Variants in PTPRQ observed in about 807,000 individuals in gnomAD.
PTPRQ encodes protein tyrosine phosphatase receptor type Q, also known as phosphatidylinositol phosphatase PTPRQ.
A neutral mutation model predicts 246.0 loss-of-function variants in PTPRQ; 199 were observed. The ratio of observed to expected loss-of-function variants is 0.81; its 90% CI spans 0.72 to 0.91. The LOEUF (loss-of-function observed/expected upper bound fraction) is 0.91. PTPRQ is among the 40% of genes least tolerant of loss of function. PTPRQ has a pLI of 0.00. For missense variants in PTPRQ, 2,624 were observed against 2,528.4 expected (o/e 1.04, Z -0.81); for synonymous variants, 869 against 853.2 (o/e 1.02, Z -0.32).
chr12:80,448,311 T>C (rs975138826), intron 3 of PTPRQ, among the ~76,000 whole-genome samples: 1 of 152,162 alleles, frequency 6.6e-6, no homozygotes, highest in Admixed American at 6.6e-5. Flanking sequence ...TAGAGTTTTC[T>C]AGATATACAA....
At chr12:80,495,903 C>T in intron 12 of PTPRQ, 96 bp from the exon 13 acceptor site, 1 of 1,361,950 alleles carries the variant, frequency 7.3e-7, no homozygotes, top group Middle Eastern at 2.4e-4. Context: ...ATCTAGTCCC[C>T]CGTATAAATT....
chr12:80,581,304 G>A (rs1897427473), intron 25 of PTPRQ, among the ~76,000 whole-genome samples: 2 of 152,184 alleles, frequency 1.3e-5, no homozygotes, highest in African/African-American at 2.4e-5. Context: ...TGAGGAAAGA[G>A]TAGAGTGTAA....
At chr12:80,610,039 A>T (rs1898490166) in intron 27 of PTPRQ, among the ~76,000 whole-genome samples, 1 of 150,470 alleles carries the variant, frequency 6.6e-6, no homozygotes, top group Admixed American at 6.7e-5. Flanking sequence ...TAGACTGTGT[A>T]GGTGGTTTCT....
intron 6 of PTPRQ, among the ~76,000 whole-genome samples, chr12:80,461,688 G>A (rs559732580): frequency 6.6e-4 from 99 of 150,080 alleles, no homozygotes; most frequent in Non-Finnish European, 1.3e-3. Flanking sequence ...TAATTTCTGA[G>A]GTATTGAAAA....
intron 7 of PTPRQ, among the ~76,000 whole-genome samples, chr12:80,470,928 G>C (rs1893604864): frequency 6.6e-6 from 1 of 152,058 alleles, no homozygotes; most frequent in African/African-American, 2.4e-5. Flanking sequence ...TGATCTTGAG[G>C]GAGTGGCTGA....
chr12:80,644,803 C>T (rs191006598), intron 35 of PTPRQ, among the ~76,000 whole-genome samples: 1 of 151,842 alleles, frequency 6.6e-6, no homozygotes, highest in Non-Finnish European at 1.5e-5. Context: ...TAGAATGTAG[C>T]CAACACCTAA....
rs1250998912 is a variant in PTPRQ, at chr12:80,445,718, G to A, written c.390+1G>A. ...TCCTGGAACAACATATGAAATTAAG[G>A]TAATTATTTTGTGTATGACTACTTA... On this transcript the variant is annotated splice_donor_variant, in intron 3 of 44. Transcript: ENST00000644991. LOFTEE classifies it high-confidence loss of function. The A allele has an allele frequency of 6.6e-7, 1 of 1,521,730 alleles. No homozygotes were observed. The highest frequency in any genetic ancestry group is 1.4e-5 in the African/African-American group (1 of 72,418). The allele number at this position is 1,521,730 out of a possible 1,614,324, so 94.3% of individuals were successfully genotyped here. A position where few individuals can be genotyped will look rare whatever the true frequency, so the allele number is the denominator to read the frequency against.
At chr12:80,495,491 T>G (rs1236266204) in intron 12 of PTPRQ, 120 bp downstream of exon 12, 6 of 1,268,482 alleles carry the variant, frequency 4.7e-6, no homozygotes, top group Non-Finnish European at 6.2e-6. Context: ...TCACTTCATA[T>G]TTTGTTGTTT....
chr12:80,665,059 A>G (rs1900742831), intron 39 of PTPRQ, among the ~76,000 whole-genome samples: 1 of 151,964 alleles, frequency 6.6e-6, no homozygotes, highest in African/African-American at 2.4e-5. Flanking sequence ...GCCATCTGCA[A>G]GCTGAGGAGC....
Position 80,619,383 on chromosome 12 carries a change from G to C in PTPRQ, c.5231-1G>C. ...CAGTGATATTTCTTCTTTGTTTATA[G>C]CTCCAGCACGACCAAAAACCAAACC... is the stretch of plus-strand genomic sequence containing the variant. On this transcript the variant is annotated splice_acceptor_variant, in intron 30 of 44. Coordinates refer to ENST00000644991, the MANE Select transcript of PTPRQ (RefSeq NM_001145026.2). LOFTEE classifies it high-confidence loss of function. 3 of 1,545,960 alleles carry C rather than the reference G, an allele frequency of 1.9e-6. No individual in the cohort carries two copies. The highest frequency in any genetic ancestry group is 2.6e-6 in the Non-Finnish European group (3 of 1,143,662).
intron 35 of PTPRQ, among the ~76,000 whole-genome samples, chr12:80,648,027 C>T (rs758820598): frequency 6.6e-6 from 1 of 152,022 alleles, no homozygotes; most frequent in Non-Finnish European, 1.5e-5. Context: ...ATTGAATACA[C>T]CTCTTTTTGA....
At chr12:80,545,789 A>G (rs1896286999) in intron 23 of PTPRQ, among the ~76,000 whole-genome samples, 1 of 148,666 alleles carries the variant, frequency 6.7e-6, no homozygotes, top group Admixed American at 6.7e-5. Context: ...TAATAATGTT[A>G]TTATTATTTA....
intron 35 of PTPRQ, among the ~76,000 whole-genome samples, chr12:80,645,120 A>G (rs1900025651): frequency 6.6e-6 from 1 of 152,126 alleles, no homozygotes; most frequent in Non-Finnish European, 1.5e-5. Context: ...AAAAAGAGTG[A>G]TACAAAAGAA....
chr12:80,613,657 T>C lies in PTPRQ; in HGVS notation c.4984T>C (p.Leu1662=). The change falls in exon 29 of 45, where the codon TTA becomes CTA. Residue 1662 remains leucine (L), a synonymous_variant. Transcript: ENST00000644991. ...KIPDEVTKFQ[L]TFLPPSQPNG... Reference sequence around the variant, plus strand: ...ACCAGATGAAGTTACAAAATTTCAATTAACGTTCCTTCCTCCTTCTCAACC... The same window carrying C: ...ACCAGATGAAGTTACAAAATTTCAACTAACGTTCCTTCCTCCTTCTCAACC... 1.3e-6 allele frequency: 2 copies of C among 1,545,810 alleles called. No individual in the cohort carries two copies. The highest frequency in any genetic ancestry group is 1.7e-6 in the Non-Finnish European group (2 of 1,143,052).
chr12:80,561,175 A>G (rs1040178035), intron 25 of PTPRQ: 1 of 152,220 alleles, frequency 6.6e-6, no homozygotes, highest in African/African-American at 2.4e-5. Flanking sequence ...TAGTATCCCA[A>G]CTTGTCAGAG....
At chr12:80,488,725 C>T (rs889014609) in intron 9 of PTPRQ, among the ~76,000 whole-genome samples, 1 of 151,934 alleles carries the variant, frequency 6.6e-6, no homozygotes, top group African/African-American at 2.4e-5. Flanking sequence ...AAATATAACC[C>T]TCCTATGCTA....
chr12:80,539,701 T>G (rs1896092656), intron 19 of PTPRQ, 75 bp from the exon 20 acceptor site: 1 of 1,211,072 alleles, frequency 8.3e-7, no homozygotes, highest in South Asian at 1.9e-5. Flanking sequence ...ATCGATCCAT[T>G]GATAACAATT....
In PTPRQ at chr12:80,679,892, C is replaced by A. The variant is rs565615310; in HGVS notation, c.*869C>A. 1 of 151,834 alleles carries A rather than the reference C, an allele frequency of 6.6e-6. No individual in the cohort carries two copies. Among genetic ancestry groups the A allele is most frequent in the African/African-American group, 2.4e-5 (1 of 41,360 alleles). The allele number at this position is 151,834 out of a possible 1,614,324, so 9.4% of individuals were successfully genotyped here. Reference sequence around the variant, plus strand: ...TCAAAAGAGTAATAAAAACACTGTGCGTGTTTCAAGCTTGTAAACCAATGA... The same window carrying A: ...TCAAAAGAGTAATAAAAACACTGTGAGTGTTTCAAGCTTGTAAACCAATGA... On this transcript the variant is annotated 3_prime_UTR_variant, in exon 45 of 45. Coordinates refer to ENST00000644991, the MANE Select transcript of PTPRQ (RefSeq NM_001145026.2).
rs769550063 is a variant in PTPRQ, at chr12:80,658,046, T to C, written c.6177T>C (p.Asn2059=). Residue 2059 remains asparagine, a synonymous_variant, in exon 39 of 45, where the codon AAT becomes AAC. Transcript: ENST00000644991. Reference sequence around the variant, plus strand: ...GTGTTCCAGGTTCGGATTATATTAATGCCAGCTATATTTCTGTAAGTTACT... The same window carrying C: ...GTGTTCCAGGTTCGGATTATATTAACGCCAGCTATATTTCTGTAAGTTACT... The part of the protein sequence containing the change: ...DASVPGSDYI[N]ASYISGYLCP... 1.4e-6 allele frequency: 2 copies of C among 1,411,928 alleles called. No homozygotes were observed. The highest frequency in any genetic ancestry group is 1.9e-6 in the Non-Finnish European group (2 of 1,074,254). The allele number at this position is 1,411,928 out of a possible 1,614,324, so 87.5% of individuals were successfully genotyped here.
Sources: allele counts gnomAD v4.1 joint callset (sites outside exome capture counted in the v4.1 genomes callset), GRCh38; gene constraint gnomAD v4.1.1; transcripts MANE v1.5; gene names NCBI Gene and HGNC (gene_info 2026-07-23, HGNC 2026-07-21).